Variants in CSGALNACT2 observed in about 807,000 individuals in gnomAD.
CSGALNACT2 encodes beta 4 GalNAcT-2.
CSGALNACT2 carries 35 observed loss-of-function variants against 55.3 expected under a neutral mutation model. The ratio of observed to expected loss-of-function variants is 0.63; its 90% confidence interval spans 0.48 to 0.84. The LOEUF is 0.84. Ranked by LOEUF, CSGALNACT2 falls within the 40% of genes least tolerant of loss-of-function variation. The probability of loss-of-function intolerance (pLI) is 0.00; values close to 1 mark genes in which losing one functional copy is unlikely to be tolerated. For synonymous variants in CSGALNACT2, 196 were observed against 224.9 expected (o/e 0.87, Z 1.15); for missense variants, 544 against 657.5 (o/e 0.83, Z 1.89).
At chr10:43,161,429 C>T (rs1839146419) in intron 4 of CSGALNACT2, among the ~76,000 whole-genome samples, 1 of 152,170 alleles carries the variant, frequency 6.6e-6, no homozygotes. Flanking sequence ...GCTTCTTTAC[C>T]TTTCTGCCAG....
At chr10:43,162,089 T>A (rs1839162303) in intron 4 of CSGALNACT2, 1 of 501,336 alleles carries the variant, frequency 2.0e-6, no homozygotes, top group African/African-American at 2.0e-5. Flanking sequence ...GGGAAGAAAA[T>A]CAAAACAACT....
intron 5 of CSGALNACT2, among the ~76,000 whole-genome samples, chr10:43,165,465 G>A (rs1175297719): frequency 6.6e-6 from 1 of 151,980 alleles, no homozygotes; most frequent in Non-Finnish European, 1.5e-5. Flanking sequence ...AAAACATAAT[G>A]TTGTACACCA....
chr10:43,139,058 A>G (rs1838560573), intron 1 of CSGALNACT2, among the ~76,000 whole-genome samples: 1 of 152,144 alleles, frequency 6.6e-6, no homozygotes, highest in South Asian at 2.1e-4. Flanking sequence ...GAAGCACGAC[A>G]GTGATACTTC....
intron 6 of CSGALNACT2, among the ~76,000 whole-genome samples, chr10:43,168,471 A>T (rs1049580082): frequency 2.2e-4 from 33 of 152,242 alleles, no homozygotes; most frequent in African/African-American, 7.2e-4. Flanking sequence ...AACAAAAAAA[A>T]GGTGGAAGCT....
rs1839636445 is a variant in CSGALNACT2, at chr10:43,183,625, C to T, written c.*83C>T. On this transcript the variant is annotated 3_prime_UTR_variant, in exon 8 of 8. Transcript: ENST00000374466. ...ACTTCTACTTCCAGATGCAGTGCCT[C>T]TTTTGGAGAAGACATGTTTATTTTT... 2.8e-6 allele frequency: 3 copies of T among 1,078,674 alleles called. No homozygotes were observed. The highest frequency in any genetic ancestry group is 2.3e-4 in the Middle Eastern group (1 of 4,394). The allele number at this position is 1,078,674 out of a possible 1,614,324, so 66.8% of individuals were successfully genotyped here.
At chr10:43,140,066 C>A (rs866191565) in intron 1 of CSGALNACT2, among the ~76,000 whole-genome samples, 2 of 152,042 alleles carry the variant, frequency 1.3e-5, no homozygotes, top group African/African-American at 4.8e-5. Context: ...TGGTGGCGGG[C>A]GCCTGTAAGC....
intron 1 of CSGALNACT2, among the ~76,000 whole-genome samples, chr10:43,150,935 A>G (rs1273944936): frequency 6.6e-6 from 1 of 152,078 alleles, no homozygotes. Context: ...CTTTTGCTAC[A>G]TCTCTAGTTT....
At position 43,183,862 on chromosome 10, in the gene CSGALNACT2, A is replaced by G. The variant is rs565810397; in HGVS notation, c.*320A>G. ...TGGGATTGCATGGTGTCCTGATTGC[A>G]TCTAGGTGGAGCGGATGGAATGTGC... On this transcript the variant is annotated 3_prime_UTR_variant, in exon 8 of 8. Transcript: ENST00000374466. The G allele has an allele frequency of 1.2e-4, 40 of 343,958 alleles. No individual in the cohort carries two copies. Among genetic ancestry groups the G allele is most frequent in the South Asian group, 1.1e-3 (37 of 34,026 alleles). The allele number at this position is 343,958 out of a possible 1,614,324, so 21.3% of individuals were successfully genotyped here. A position where few individuals can be genotyped will look rare whatever the true frequency, so the allele number is the denominator to read the frequency against.
At chr10:43,179,569 C>T (rs528436112) in intron 7 of CSGALNACT2, among the ~76,000 whole-genome samples, 1 of 152,236 alleles carries the variant, frequency 6.6e-6, no homozygotes, top group African/African-American at 2.4e-5. Flanking sequence ...CTTTCCATGC[C>T]TCCATTGGTA....
At chr10:43,149,306 C>CT (rs1205483523) in intron 1 of CSGALNACT2, among the ~76,000 whole-genome samples, 1 of 152,118 alleles carries the variant, frequency 6.6e-6, no homozygotes, top group African/African-American at 2.4e-5. Flanking sequence ...AGGATGGTCT[C>CT]TATCTCCTGA....
intron 7 of CSGALNACT2, among the ~76,000 whole-genome samples, chr10:43,180,510 C>T (rs1839570331): frequency 6.6e-6 from 1 of 152,154 alleles, no homozygotes; most frequent in Non-Finnish European, 1.5e-5. Flanking sequence ...GTGTTATCTG[C>T]TCTTTCCATT....
intron 1 of CSGALNACT2, among the ~76,000 whole-genome samples, chr10:43,149,751 T>C (rs1838836126): frequency 6.6e-6 from 1 of 152,186 alleles, no homozygotes; most frequent in Non-Finnish European, 1.5e-5. Context: ...ATAATTCTTA[T>C]TTAATAATAA....
rs1180464106 is a variant in CSGALNACT2, at chr10:43,155,640, C to T, written c.491C>T (p.Thr164Ile). The T allele has an allele frequency of 6.2e-7, 1 of 1,614,156 alleles. No individual in the cohort carries two copies. Among genetic ancestry groups the T allele is most frequent in the East Asian group, 2.2e-5 (1 of 44,886 alleles). Residue 164 changes from threonine (T) to isoleucine (I), a missense_variant, in exon 2 of 8, where the codon ACT becomes ATT. This residue lies in a region of CSGALNACT2 where 374 missense variants were observed against 401.3 expected (regional missense o/e 0.93). Transcript: ENST00000374466. ...MKVFQLEMGL[T>I]RHPEEKPVRK... ...GTATTTCAATTGGAAATGGGTCTCA[C>T]TCGCCATCCTGAAGAAAAGCCAGTT...
intron 1 of CSGALNACT2, among the ~76,000 whole-genome samples, chr10:43,153,267 G>A (rs1250093045): frequency 2.0e-5 from 3 of 149,602 alleles, no homozygotes; most frequent in Non-Finnish European, 4.4e-5. Context: ...CCCAGGAGGC[G>A]GAGCTTGCAG....
At chr10:43,179,318 G>T (rs141163916) in intron 7 of CSGALNACT2, among the ~76,000 whole-genome samples, 1 of 143,764 alleles carries the variant, frequency 7.0e-6, no homozygotes, top group African/African-American at 2.6e-5. Context: ...TTTCTTTTTC[G>T]AAAACTAGAC....
chr10:43,166,941 T>C, intron 5 of CSGALNACT2, 63 bp from the exon 6 acceptor site: 1 of 913,368 alleles, frequency 1.1e-6, no homozygotes, highest in South Asian at 1.5e-5. Flanking sequence ...TAATAGATAT[T>C]GCAATAAAGA....
chr10:43,160,497 T>A lies in CSGALNACT2; in HGVS notation c.882T>A (p.Asp294Glu), dbSNP rs759504384. The A allele has an allele frequency of 1.3e-6, 2 of 1,510,046 alleles. No homozygotes were observed. The highest frequency in any genetic ancestry group is 1.1e-5 in the South Asian group (1 of 87,136). The allele number at this position is 1,510,046 out of a possible 1,614,324, so 93.5% of individuals were successfully genotyped here. ...TTTTATTTTTCACTTCTGTTAGGGA[T>A]GTTTGTATTCATCAAGACAAGAAGA... ...AFVQFMQNFRDVCIHQDKKIH... is the reference protein window; with the variant it reads ...AFVQFMQNFREVCIHQDKKIH... Residue 294 changes from aspartate to glutamate, a missense_variant, in exon 4 of 8, where the codon GAT (aspartate) becomes GAA (glutamate). By Grantham distance (45) the Asp-to-Glu change is conservative (BLOSUM62 2). Around this residue, in one of 2 missense-constraint regions of CSGALNACT2, gnomAD observed 374 missense variants for 401.3 expected, o/e 0.93. Coordinates refer to ENST00000374466, the MANE Select transcript of CSGALNACT2 (RefSeq NM_018590.5).
chr10:43,178,360 C>T (rs1047079574), intron 7 of CSGALNACT2, among the ~76,000 whole-genome samples: 6 of 152,188 alleles, frequency 3.9e-5, no homozygotes, highest in African/African-American at 1.2e-4. Context: ...CGGTGGCTCA[C>T]GCCTGTAATC....
intron 6 of CSGALNACT2, among the ~76,000 whole-genome samples, chr10:43,170,907 G>T (rs1042582095): frequency 6.6e-6 from 1 of 152,158 alleles, no homozygotes; most frequent in Non-Finnish European, 1.5e-5. Context: ...GAGGAGCATT[G>T]TACAAAATAC....
Sources: gnomAD v4.1 joint callset for allele counts (sites outside exome capture counted in the v4.1 genomes callset) on GRCh38, gnomAD v4.1.1 for gene constraint, gnomAD v4.1.1 regional missense constraint, MANE v1.5 for transcripts, NCBI Gene and HGNC (gene_info 2026-07-23, HGNC 2026-07-21) for gene names.